Variants in MAPK4 observed in about 807,000 individuals in gnomAD.
MAPK4 encodes mitogen-activated protein kinase 4, also known as Erk3-related.
MAPK4 carries 22 observed loss-of-function variants against 47.7 expected under a neutral mutation model. That is an observed-to-expected ratio of 0.46 (90% CI 0.33 to 0.66). MAPK4 has a LOEUF of 0.66. Ranked by LOEUF, MAPK4 falls within the 30% of genes least tolerant of loss-of-function variation. The pLI, the probability that MAPK4 is intolerant of heterozygous loss-of-function variation, is 0.02. For synonymous variants in MAPK4, 390 were observed against 365.7 expected (o/e 1.07, Z -0.76); for missense variants, 736 against 831.7 (o/e 0.88, Z 1.42).
At chr18:50,618,987 A>C (rs1005806357) in intron 1 of MAPK4, among the ~76,000 whole-genome samples, 1 of 152,218 alleles carries the variant, frequency 6.6e-6, no homozygotes, top group African/African-American at 2.4e-5. Context: ...AGATTGGTTA[A>C]AGTCATTACA....
At chr18:50,595,128 C>T (rs1324854367) in intron 1 of MAPK4, among the ~76,000 whole-genome samples, 1 of 152,176 alleles carries the variant, frequency 6.6e-6, no homozygotes, top group Non-Finnish European at 1.5e-5. Flanking sequence ...ATACAATTAT[C>T]TTAGAGAACT....
At chr18:50,588,313 G>C (rs2042406022) in intron 1 of MAPK4, among the ~76,000 whole-genome samples, 1 of 152,150 alleles carries the variant, frequency 6.6e-6, no homozygotes, top group Admixed American at 6.5e-5. Context: ...ACAGCTCTGT[G>C]CTTCCCCTTG....
At chr18:50,713,399 T>A (rs974536451) in intron 2 of MAPK4, among the ~76,000 whole-genome samples, 1 of 152,216 alleles carries the variant, frequency 6.6e-6, no homozygotes, top group Non-Finnish European at 1.5e-5. Flanking sequence ...CTGGACCACC[T>A]TGTAGTCAAG....
At chr18:50,639,536 GA>G (rs2042919983) in intron 1 of MAPK4, among the ~76,000 whole-genome samples, 1 of 151,972 alleles carries the variant, frequency 6.6e-6, no homozygotes, top group Non-Finnish European at 1.5e-5. Context: ...AATTATAAAG[GA>G]AAAAAATTCT....
chr18:50,677,669 C>G (rs989089766), intron 2 of MAPK4, among the ~76,000 whole-genome samples: 46 of 152,178 alleles, frequency 3.0e-4, no homozygotes, highest in African/African-American at 9.2e-4. Context: ...GCCTCAGTCT[C>G]CCAAGTAGCT....
intron 1 of MAPK4, among the ~76,000 whole-genome samples, chr18:50,601,379 ATC>A (rs2042539968): frequency 6.8e-6 from 1 of 147,502 alleles, no homozygotes. Context: ...CCGTTGATTG[ATC>A]TGTTTTGTCC....
intron 1 of MAPK4, among the ~76,000 whole-genome samples, chr18:50,625,034 G>A (rs2042764672): frequency 6.6e-6 from 1 of 152,140 alleles, no homozygotes; most frequent in Non-Finnish European, 1.5e-5. Context: ...ACTCTCTGGG[G>A]TACCTGGAAG....
chr18:50,667,619 G>C (rs1279784670), intron 2 of MAPK4, among the ~76,000 whole-genome samples: 1 of 152,132 alleles, frequency 6.6e-6, no homozygotes, highest in Non-Finnish European at 1.5e-5. Context: ...GGGCTGCAGC[G>C]AGTGCCTTTG....
intron 1 of MAPK4, among the ~76,000 whole-genome samples, chr18:50,629,110 T>G (rs1412921173): frequency 6.6e-6 from 1 of 152,186 alleles, no homozygotes; most frequent in Non-Finnish European, 1.5e-5. Context: ...GGGGGCTTTC[T>G]CAAGAGTAAG....
intron 2 of MAPK4, among the ~76,000 whole-genome samples, chr18:50,714,287 G>A (rs1204288637): frequency 2.6e-5 from 4 of 152,060 alleles, no homozygotes. Context: ...CCAGTTTTCT[G>A]AATTATGTAG....
chr18:50,591,543 G>C (rs1410226141), intron 1 of MAPK4, among the ~76,000 whole-genome samples: 1 of 150,222 alleles, frequency 6.7e-6, no homozygotes, highest in South Asian at 2.2e-4. Context: ...TATTCATCTA[G>C]TGTGGCCGAG....
intron 1 of MAPK4, among the ~76,000 whole-genome samples, chr18:50,654,164 C>T (rs1269539044): frequency 6.6e-6 from 1 of 152,244 alleles, no homozygotes; most frequent in Non-Finnish European, 1.5e-5. Context: ...GCATCCCTGC[C>T]ATGGGCTAAC....
intron 1 of MAPK4, among the ~76,000 whole-genome samples, chr18:50,592,250 T>C (rs2042442693): frequency 1.3e-5 from 2 of 152,176 alleles, no homozygotes. Flanking sequence ...CCAAACCTCC[T>C]TCTATTGGGA....
chr18:50,709,356 G>A (rs1910228363), intron 2 of MAPK4, among the ~76,000 whole-genome samples: 1 of 152,212 alleles, frequency 6.6e-6, no homozygotes, highest in Admixed American at 6.5e-5. Context: ...CGGGGAATTG[G>A]GGGAAGCGTG....
chr18:50,731,788 G>T lies in MAPK4; in HGVS notation c.*1934G>T, dbSNP rs1228124599. On this transcript the variant is annotated 3_prime_UTR_variant, in exon 6 of 6. Coordinates refer to ENST00000400384, the MANE Select transcript of MAPK4 (RefSeq NM_002747.4). Reference sequence around the variant, plus strand: ...AAATTTATTAAACATTATTAAACTTGATCAGGTCAGGCCAAATAAAGTTTT... The same window carrying T: ...AAATTTATTAAACATTATTAAACTTTATCAGGTCAGGCCAAATAAAGTTTT... The T allele has an allele frequency of 1.3e-5, 2 of 152,148 alleles. No individual in the cohort carries two copies. The highest frequency in any genetic ancestry group is 4.8e-5 in the African/African-American group (2 of 41,410). The allele number at this position is 152,148 out of a possible 1,614,324, so 9.4% of individuals were successfully genotyped here. A position where few individuals can be genotyped will look rare whatever the true frequency, so the allele number is the denominator to read the frequency against.
intron 2 of MAPK4, chr18:50,705,573 C>G (rs1225387190): frequency 6.6e-6 from 1 of 152,194 alleles, no homozygotes; most frequent in Non-Finnish European, 1.5e-5. Context: ...CCCTCCCCTC[C>G]CTAATGTGCT....
At chr18:50,655,080 C>T (rs1365104629) in intron 1 of MAPK4, among the ~76,000 whole-genome samples, 2 of 152,208 alleles carry the variant, frequency 1.3e-5, no homozygotes, top group Admixed American at 1.3e-4. Context: ...AGGGTCCCCT[C>T]CTGTTTCTTT....
rs548008419 is a variant in MAPK4, at chr18:50,657,054, C to A, written c.-870-6035C>A. Among the ~76,000 whole-genome samples the A allele has an allele frequency of 3.9e-5, 6 of 152,334 alleles. No homozygotes were observed. In the South Asian group the frequency reaches 1.0e-3, roughly 26 times the overall value. ...CCCACACTCCTCTGCCACCTCCCCACGTGGCCTCAAGACAGCTGCTGCAGC... is the reference window on the plus strand; with the variant it reads ...CCCACACTCCTCTGCCACCTCCCCAAGTGGCCTCAAGACAGCTGCTGCAGC... On this transcript the variant is annotated intron_variant, in intron 1 of 5. Coordinates refer to ENST00000400384, the MANE Select transcript of MAPK4 (RefSeq NM_002747.4).
In MAPK4 at chr18:50,723,735, A is replaced by C. The variant is rs548285448; in HGVS notation, c.853+1636A>C. Among the ~76,000 whole-genome samples, 5 of 152,122 alleles carry C rather than the reference A, an allele frequency of 3.3e-5. No individual in the cohort carries two copies. In the East Asian group the frequency reaches 9.7e-4, roughly 30 times the overall value. On this transcript the variant is annotated intron_variant, in intron 4 of 5. Transcript: ENST00000400384. ...ACAAATTAGCTGGGCATGGTGGCGCACACCTATGGTCTCAGCTACTTGGGA... is the reference window on the plus strand; with the variant it reads ...ACAAATTAGCTGGGCATGGTGGCGCCCACCTATGGTCTCAGCTACTTGGGA...
Sources: allele counts gnomAD v4.1 joint callset (sites outside exome capture counted in the v4.1 genomes callset), GRCh38; gene constraint gnomAD v4.1.1; transcripts MANE v1.5; gene names NCBI Gene and HGNC (gene_info 2026-07-23, HGNC 2026-07-21).